PHPT1: variants seen among roughly 807,000 people sequenced by gnomAD.
PHPT1 encodes the protein phosphohistidine phosphatase 1.
In PHPT1, 16 loss-of-function variants were observed where a neutral mutation model predicts 15.6. The observed-to-expected ratio is 1.03, with a 90% CI of 0.70 to 1.56. PHPT1 has a LOEUF of 1.56. Among genes scored for constraint, PHPT1 ranks in the 40% most tolerant of loss-of-function variants. The pLI is 0.00. For missense variants in PHPT1, 228 were observed against 171.0 expected (o/e 1.33, Z -1.86); for synonymous variants, 102 against 68.1 (o/e 1.50, Z -2.45).
chr9:136,850,756 C>T lies in PHPT1; in HGVS notation c.287C>T (p.Ala96Val), dbSNP rs760785064. The change falls in exon 3 of 3, where the codon GCC becomes GTC. Residue 96 changes from alanine to valine, a missense_variant and splice_region_variant. By Grantham distance (64) the Ala-to-Val change is moderately conservative (BLOSUM62 0). Coordinates refer to ENST00000247665, the MANE Select transcript of PHPT1 (RefSeq NM_014172.6). ...KKIHVYGYSM[A>V]YGPAQHAIST... ...CAGCAGGCGTCTTCTCTTCTCCAGG[C>T]CTATGGTCCTGCCCAGCACGCCATT... 12 of 1,612,198 alleles carry T rather than the reference C, an allele frequency of 7.4e-6. No homozygotes were observed. Among genetic ancestry groups the T allele is most frequent in the African/African-American group, 2.7e-5 (2 of 74,912 alleles).
At chr9:136,849,623 A>G in intron 1 of PHPT1, 33 bp downstream of exon 1, 2 of 1,020,812 alleles carry the variant, frequency 2.0e-6, no homozygotes, top group Non-Finnish European at 2.7e-6. Context: ...TGCCAGGGGC[A>G]CGCCTGGCGA....
rs1319443074 is a variant in PHPT1, at chr9:136,850,976, C to T, written c.*129C>T. On this transcript the variant is annotated 3_prime_UTR_variant, in exon 3 of 3. Coordinates refer to ENST00000247665, the MANE Select transcript of PHPT1 (RefSeq NM_014172.6). ...CTCTGGTGACGTGCTGTCCACCAGGCCTTGGAGACAGGCTAGCCTGGCCAC... is the reference window on the plus strand; with the variant it reads ...CTCTGGTGACGTGCTGTCCACCAGGTCTTGGAGACAGGCTAGCCTGGCCAC... 8.8e-6 allele frequency: 7 copies of T among 791,516 alleles called. No individual in the cohort carries two copies. Among genetic ancestry groups the T allele is most frequent in the African/African-American group, 1.7e-5 (1 of 59,484 alleles). The allele number at this position is 791,516 out of a possible 1,614,324, so 49.0% of individuals were successfully genotyped here. A position where few individuals can be genotyped will look rare whatever the true frequency, so the allele number is the denominator to read the frequency against.
At chr9:136,850,479 T>C (rs376895718) in intron 2 of PHPT1, 13 of 1,604,600 alleles carry the variant, frequency 8.1e-6, no homozygotes, top group Non-Finnish European at 1.1e-5. Context: ...AGTCCCCACC[T>C]GTGCTCTTCA....
intron 2 of PHPT1, 45 bp downstream of exon 2, chr9:136,850,182 G>T: frequency 6.2e-7 from 1 of 1,611,796 alleles, no homozygotes; most frequent in Non-Finnish European, 8.5e-7. Flanking sequence ...CCCAGTACCA[G>T]CTTCGAGGCC....
chr9:136,850,362 C>G lies in PHPT1; in HGVS notation c.285+225C>G, dbSNP rs918616079. ...TGGGACGGACACCCCCAGACATGGCCGGCTGTCTCCTCTCCCTGCCTTGGG... is the reference window on the plus strand; with the variant it reads ...TGGGACGGACACCCCCAGACATGGCGGGCTGTCTCCTCTCCCTGCCTTGGG... On this transcript the variant is annotated intron_variant, in intron 2 of 2. Coordinates refer to ENST00000247665, the MANE Select transcript of PHPT1 (RefSeq NM_014172.6). The G allele has an allele frequency of 5.8e-6, 5 of 855,010 alleles. No individual in the cohort carries two copies. In the South Asian group the frequency reaches 6.5e-5, roughly 11 times the overall value. 53.0% of individuals were successfully genotyped at this position (855,010 alleles called of 1,614,324 possible).
intron 2 of PHPT1, 111 bp downstream of exon 2, chr9:136,850,248 G>A: frequency 6.9e-7 from 1 of 1,442,452 alleles, no homozygotes; most frequent in African/African-American, 1.4e-5. Flanking sequence ...GGCTTCCTGG[G>A]GTTCTCCCAG....
In PHPT1 at chr9:136,850,736, G is replaced by A. The variant is rs1848894619; in HGVS notation, c.286-19G>A. Reference sequence around the variant, plus strand: ...TTGAAGGGTCCAGGTAGTGCCAGCAGGCGTCTTCTCTTCTCCAGGCCTATG... The same window carrying A: ...TTGAAGGGTCCAGGTAGTGCCAGCAAGCGTCTTCTCTTCTCCAGGCCTATG... On this transcript the variant is annotated intron_variant, in intron 2 of 2. Transcript: ENST00000247665. 1.2e-6 allele frequency: 2 copies of A among 1,603,966 alleles called. No homozygotes were observed. Among genetic ancestry groups the A allele is most frequent in the Non-Finnish European group, 1.7e-6 (2 of 1,171,726 alleles).
At chr9:136,849,701 G>A (rs1040065116) in intron 1 of PHPT1, 111 bp downstream of exon 1, 3 of 684,170 alleles carry the variant, frequency 4.4e-6, no homozygotes, top group Non-Finnish European at 4.4e-6. Context: ...CGGGGCGGGG[G>A]CGGGGCTGCG....
chr9:136,849,760 G>T, intron 1 of PHPT1, 170 bp downstream of exon 1: 1 of 772,930 alleles, frequency 1.3e-6, no homozygotes, highest in South Asian at 1.9e-5. Flanking sequence ...TGCTAGGTTT[G>T]ACCCAGGCTG....
intron 2 of PHPT1, chr9:136,850,458 G>C (rs761460356): frequency 6.4e-7 from 1 of 1,552,918 alleles, no homozygotes; most frequent in Non-Finnish European, 8.8e-7. Flanking sequence ...CAGTACCTGG[G>C]TGGAGCTCAG....
rs1848849024 is a variant in PHPT1, at chr9:136,849,537, C to T, written c.107C>T (p.Pro36Leu). ...CACTCGGCTCCCCGCTCCGGGGCTC[C>T]GGCTGCAGAGAGCAAGGAGATCGTG... ...RVHSAPRSGA[P>L]AAESKEIVRG... The change falls in exon 1 of 3, where the codon CCG (proline) becomes CTG (leucine). Residue 36 changes from proline (P) to leucine (L), a missense_variant. Coordinates refer to ENST00000247665, the MANE Select transcript of PHPT1 (RefSeq NM_014172.6). 1.2e-6 allele frequency: 2 copies of T among 1,610,496 alleles called. No homozygotes were observed. The highest frequency in any genetic ancestry group is 1.7e-6 in the Non-Finnish European group (2 of 1,179,254).
chr9:136,850,055 G>T lies in PHPT1; in HGVS notation c.203G>T (p.Gly68Val), dbSNP rs751950321. ...GTGTCGGGCGACATGCAGAAGCAAGGCTGCGACTGTGAGTGTCTGGGCGGC... is the reference window on the plus strand; with the variant it reads ...GTGTCGGGCGACATGCAGAAGCAAGTCTGCGACTGTGAGTGTCTGGGCGGC... ...DKVSGDMQKQ[G>V]CDCECLGGGR... Residue 68 changes from glycine (G) to valine (V), a missense_variant, in exon 2 of 3, where the codon GGC (glycine) becomes GTC (valine). By Grantham distance (109) the Gly-to-Val change is moderately radical. Transcript: ENST00000247665. 4 of 1,613,046 alleles carry T rather than the reference G, an allele frequency of 2.5e-6. No homozygotes were observed. In the African/African-American group the frequency reaches 4.0e-5, roughly 16 times the overall value.
At position 136,850,013 on chromosome 9, in the gene PHPT1, C is replaced by T. The variant is rs1275592074; in HGVS notation, c.161C>T (p.Ala54Val). 3.7e-6 allele frequency: 6 copies of T among 1,610,758 alleles called. No individual in the cohort carries two copies. The highest frequency in any genetic ancestry group is 1.1e-5 in the South Asian group (1 of 90,748). Residue 54 changes from alanine (A) to valine (V), a missense_variant and splice_region_variant, in exon 2 of 3, where the codon GCG (alanine) becomes GTG (valine). By Grantham distance (64) the Ala-to-Val change is moderately conservative (BLOSUM62 0). Coordinates refer to ENST00000247665, the MANE Select transcript of PHPT1 (RefSeq NM_014172.6). ...TCCTGAGGCCGCCCTCCCATCCCAG[C>T]GGACATCTACGACAAAGTGTCGGGC... is the stretch of plus-strand genomic sequence containing the variant. ...VRGYKWAEYH[A>V]DIYDKVSGDM...
rs1848904316 is a variant in PHPT1, at chr9:136,850,947, C to T, written c.*100C>T. ...GGGCTGGCCCTGCCTGCTCCTGCGG[C>T]AGCCTCTGGTGACGTGCTGTCCACC... is the stretch of plus-strand genomic sequence containing the variant. On this transcript the variant is annotated 3_prime_UTR_variant, in exon 3 of 3. Coordinates refer to ENST00000247665, the MANE Select transcript of PHPT1 (RefSeq NM_014172.6). 1 of 909,324 alleles carries T rather than the reference C, an allele frequency of 1.1e-6. No homozygotes were observed. Among genetic ancestry groups the T allele is most frequent in the East Asian group, 2.4e-5 (1 of 41,754 alleles). The allele number at this position is 909,324 out of a possible 1,614,324, so 56.3% of individuals were successfully genotyped here.
intron 2 of PHPT1, 70 bp from the exon 3 acceptor site, chr9:136,850,685 C>A: frequency 6.7e-7 from 1 of 1,503,412 alleles, no homozygotes; most frequent in Non-Finnish European, 9.2e-7. Flanking sequence ...TGGCTGGTGG[C>A]TGGATGCCCA....
intron 2 of PHPT1, chr9:136,850,419 A>C: frequency 8.0e-7 from 1 of 1,255,030 alleles, no homozygotes; most frequent in South Asian, 1.3e-5. Flanking sequence ...GTCCTCCAGC[A>C]CTTTGGGCCC....
Position 136,849,495 on chromosome 9 carries a change from A to G in PHPT1, c.65A>G (p.Tyr22Cys). 1 of 1,611,748 alleles carries G rather than the reference A, an allele frequency of 6.2e-7. No individual in the cohort carries two copies. The highest frequency in any genetic ancestry group is 8.5e-7 in the Non-Finnish European group (1 of 1,179,506). The change falls in exon 1 of 3, where the codon TAT becomes TGT. Residue 22 changes from tyrosine (Y) to cysteine (C), a missense_variant. Physicochemically the swap from Tyr to Cys is radical, Grantham distance 194 (BLOSUM62 -2). Coordinates refer to ENST00000247665, the MANE Select transcript of PHPT1 (RefSeq NM_014172.6). ...VDIDSDGVFK[Y>C]VLIRVHSAPR... Reference sequence around the variant, plus strand: ...ATCGACTCCGACGGCGTCTTCAAGTATGTGCTGATCCGAGTCCACTCGGCT... The same window carrying G: ...ATCGACTCCGACGGCGTCTTCAAGTGTGTGCTGATCCGAGTCCACTCGGCT...
At chr9:136,849,950 G>A in intron 1 of PHPT1, 63 bp from the exon 2 acceptor site, 1 of 1,547,972 alleles carries the variant, frequency 6.5e-7, no homozygotes, top group Non-Finnish European at 8.8e-7. Context: ...CTTCGGCTGG[G>A]AGTTCCTCCC....
intron 1 of PHPT1, 172 bp downstream of exon 1, chr9:136,849,762 C>T (rs1848858756): frequency 2.1e-5 from 16 of 775,800 alleles, no homozygotes; most frequent in South Asian, 1.9e-5. Context: ...CTAGGTTTGA[C>T]CCAGGCTGAG....
Sources: gnomAD v4.1 joint callset for allele counts on GRCh38, gnomAD v4.1.1 for gene constraint, MANE v1.5 for transcripts, NCBI Gene and HGNC (gene_info 2026-07-23, HGNC 2026-07-21) for gene names.